CPVL: variants seen among roughly 807,000 people sequenced by gnomAD.
The protein encoded by CPVL is carboxypeptidase vitellogenic like.
CPVL carries 51 observed loss-of-function variants against 63.7 expected under a neutral mutation model. The observed-to-expected ratio is 0.80, with a 90% CI of 0.64 to 1.01. The LOEUF (loss-of-function observed/expected upper bound fraction) is 1.01. Ranked by LOEUF, CPVL falls within the 50% of genes least tolerant of loss-of-function variation. The pLI, the probability that CPVL is intolerant of heterozygous loss-of-function variation, is 0.00. For synonymous variants in CPVL, 195 were observed against 206.0 expected (o/e 0.95, Z 0.46); for missense variants, 530 against 573.1 (o/e 0.92, Z 0.77).
intron 5 of CPVL, among the ~76,000 whole-genome samples, chr7:29,093,123 C>A (rs1174261604): frequency 6.6e-6 from 1 of 152,100 alleles, no homozygotes; most frequent in Non-Finnish European, 1.5e-5. Context: ...CAGTGGCTCA[C>A]TTCTGTAATC....
At position 29,092,831 on chromosome 7, in the gene CPVL, GC is replaced by G. The variant is rs1785960393; in HGVS notation, c.463-130del. 6 of 682,710 alleles carry G rather than the reference GC, an allele frequency of 8.8e-6. No individual in the cohort carries two copies. In the East Asian group the frequency reaches 1.4e-4, roughly 15 times the overall value. The allele number at this position is 682,710 out of a possible 1,614,324, so 42.3% of individuals were successfully genotyped here. On this transcript the variant is annotated intron_variant, in intron 5 of 12. Transcript: ENST00000265394. ...GCTCAGACTTCAGATTTTTGCCGTT[GC>G]CCCCCTATGCCTTTAGCCCTCCTCC...
In CPVL at chr7:29,069,789, T is replaced by C. The variant is rs1043600359; in HGVS notation, c.864+1984A>G. On this transcript the variant is annotated intron_variant, in intron 9 of 12. Coordinates refer to ENST00000265394, the MANE Select transcript of CPVL (RefSeq NM_031311.5). ...CAGTAAATGTGTGTGTGTGTGTGTG[T>C]GTGTGTGTGTGTGTGTGTGTGTGTG... Among the ~76,000 whole-genome samples the C allele has an allele frequency of 1.5e-4, 14 of 94,128 alleles. No homozygotes were observed. The East Asian group carries it at 3.5e-3, about 23-fold the overall frequency. The allele number at this position is 94,128 out of a possible 152,430, so 61.8% of individuals were successfully genotyped here.
chr7:29,144,627 T>C (rs1015373165), intron 1 of CPVL, among the ~76,000 whole-genome samples: 5 of 152,164 alleles, frequency 3.3e-5, no homozygotes, highest in Non-Finnish European at 7.3e-5. Context: ...TATCTGATGA[T>C]ACCTGGGGCA....
At chr7:29,136,139 T>C (rs1180022632) in intron 1 of CPVL, among the ~76,000 whole-genome samples, 13 of 152,190 alleles carry the variant, frequency 8.5e-5, no homozygotes, top group Non-Finnish European at 1.9e-4. Context: ...TAGAGGGGGA[T>C]CCACATGAGA....
chr7:29,029,638 C>G (rs57706798), intron 12 of CPVL, among the ~76,000 whole-genome samples: 240 of 152,180 alleles, frequency 1.6e-3, no homozygotes, highest in African/African-American at 5.4e-3. Flanking sequence ...ATGATAGTTA[C>G]CAGAGGCTGG....
chr7:29,021,390 T>C (rs1425004677), intron 12 of CPVL, among the ~76,000 whole-genome samples: 1 of 152,088 alleles, frequency 6.6e-6, no homozygotes, highest in Non-Finnish European at 1.5e-5. Context: ...TGTCACCTCC[T>C]TCACGAAGAA....
intron 12 of CPVL, among the ~76,000 whole-genome samples, chr7:29,018,919 A>AGGGTT (rs1320996603): frequency 6.6e-6 from 1 of 152,166 alleles, no homozygotes; most frequent in African/African-American, 2.4e-5. Context: ...AACACTTGTA[A>AGGGTT]GGGTTTATGG....
intron 11 of CPVL, among the ~76,000 whole-genome samples, chr7:29,048,239 G>A (rs1398857260): frequency 6.6e-6 from 1 of 152,106 alleles, no homozygotes; most frequent in Non-Finnish European, 1.5e-5. Context: ...GAATGCAAAT[G>A]GCCTAAATGC....
At chr7:29,091,496 G>A (rs1257051414) in intron 6 of CPVL, among the ~76,000 whole-genome samples, 2 of 152,182 alleles carry the variant, frequency 1.3e-5, no homozygotes, top group Non-Finnish European at 2.9e-5. Context: ...AAGCCTGTGA[G>A]GAGGACTGCC....
chr7:29,016,115 C>T (rs534628113), intron 12 of CPVL, among the ~76,000 whole-genome samples: 1 of 152,188 alleles, frequency 6.6e-6, no homozygotes, highest in Non-Finnish European at 1.5e-5. Context: ...CTTTGGGAGG[C>T]GAAGGCTGGT....
At chr7:29,157,883 A>G (rs1584470961) in intron 5 of CPVL, among the ~76,000 whole-genome samples, 1 of 152,348 alleles carries the variant, frequency 6.6e-6, no homozygotes, top group Non-Finnish European at 1.5e-5. Flanking sequence ...TCATGTGCTA[A>G]TGTAAAAATG....
chr7:29,062,786 G>C (rs923716302), intron 11 of CPVL, among the ~76,000 whole-genome samples: 1 of 152,166 alleles, frequency 6.6e-6, no homozygotes, highest in Non-Finnish European at 1.5e-5. Flanking sequence ...CAGTATATCA[G>C]GACAATTTCT....
At chr7:29,086,676 C>T in intron 6 of CPVL, 126 bp from the exon 7 acceptor site, 1 of 691,182 alleles carries the variant, frequency 1.4e-6, no homozygotes, top group Non-Finnish European at 2.6e-6. Flanking sequence ...TACCACTCTG[C>T]TATGAGCTCC....
chr7:29,019,479 C>G (rs914798382), intron 12 of CPVL, among the ~76,000 whole-genome samples: 1 of 152,170 alleles, frequency 6.6e-6, no homozygotes, highest in Admixed American at 6.5e-5. Flanking sequence ...CTCCCTCTCT[C>G]GGTACCGTAC....
At chr7:29,172,537 G>A (rs1796739263) in intron 5 of CPVL, among the ~76,000 whole-genome samples, 2 of 152,126 alleles carry the variant, frequency 1.3e-5, no homozygotes, top group African/African-American at 4.8e-5. Flanking sequence ...GATTTCCCTT[G>A]CAGTTGGGAA....
intron 1 of CPVL, among the ~76,000 whole-genome samples, chr7:29,123,650 T>A: frequency 1.7e-5 from 2 of 116,008 alleles, no homozygotes; most frequent in Non-Finnish European, 3.5e-5. Flanking sequence ...TATATATATA[T>A]ATATATGCAA....
chr7:29,119,211 G>A (rs1789086098), intron 2 of CPVL, among the ~76,000 whole-genome samples: 1 of 152,218 alleles, frequency 6.6e-6, no homozygotes, highest in Non-Finnish European at 1.5e-5. Context: ...ACAGGGCCGG[G>A]GGCAGTGGCT....
rs544206120 is a variant in CPVL at position 29,082,150 on chromosome 7, AT to A, written c.609+4333del. ...TTTCTTTCTTGAAAAATCTAGAACA[AT>A]TTTTTTTTGTGTGGTGGCAGCAGCG... On this transcript the variant is annotated intron_variant, in intron 7 of 12. Transcript: ENST00000265394. Among the ~76,000 whole-genome samples, 9 of 151,670 alleles carry A rather than the reference AT, an allele frequency of 5.9e-5. No homozygotes were observed. In the East Asian group the frequency reaches 1.2e-3, roughly 20 times the overall value.
intron 11 of CPVL, among the ~76,000 whole-genome samples, chr7:29,037,683 T>C (rs1055104696): frequency 1.3e-5 from 2 of 152,000 alleles, no homozygotes; most frequent in Non-Finnish European, 2.9e-5. Flanking sequence ...ATGTTACCTA[T>C]GGATTAGAAT....
Sources: allele counts gnomAD v4.1 joint callset (sites outside exome capture counted in the v4.1 genomes callset), GRCh38; gene constraint gnomAD v4.1.1; transcripts MANE v1.5; gene names NCBI Gene and HGNC (gene_info 2026-07-23, HGNC 2026-07-21).